Variants in CLUAP1 observed in about 807,000 individuals in gnomAD.
CLUAP1 encodes intraflagellar transport 38, also known as clusterin-associated protein 1.
A neutral mutation model predicts 55.0 loss-of-function variants in CLUAP1; 50 were observed. That is an observed-to-expected ratio of 0.91 (90% CI 0.72 to 1.15). The LOEUF is 1.15. Among genes scored for constraint, CLUAP1 ranks in the 50% most tolerant of loss-of-function variants. The pLI, the probability that CLUAP1 is intolerant of heterozygous loss-of-function variation, is 0.00. For missense variants in CLUAP1, 530 were observed against 507.6 expected, an observed-to-expected ratio of 1.04 and a Z score of -0.42; for synonymous variants, 195 against 175.4, an observed-to-expected ratio of 1.11 and a Z score of -0.88.
In CLUAP1 at chr16:3,537,360, T is replaced by TC. The variant is rs1286494991; in HGVS notation, c.*1090dup. The TC allele has an allele frequency of 1.3e-5, 2 of 152,176 alleles. No homozygotes were observed. The highest frequency in any genetic ancestry group is 4.8e-5 in the African/African-American group (2 of 41,422). The allele number at this position is 152,176 out of a possible 1,614,324, so 9.4% of individuals were successfully genotyped here. A position where few individuals can be genotyped will look rare whatever the true frequency, so the allele number is the denominator to read the frequency against. ...AGTTGGTTTTTTTCTTTTTTCTTCTTCTTTTTTTTTAATATGAAAAGTACT... is the reference window on the plus strand; with the variant it reads ...AGTTGGTTTTTTTCTTTTTTCTTCTTCCTTTTTTTTTAATATGAAAAGTACT... On this transcript the variant is annotated 3_prime_UTR_variant, in exon 12 of 12. Transcript: ENST00000576634.
intron 8 of CLUAP1, among the ~76,000 whole-genome samples, chr16:3,525,531 GTC>G (rs2037925106): frequency 1.3e-5 from 2 of 151,906 alleles, no homozygotes; most frequent in South Asian, 4.2e-4. Context: ...TCCTCCCTCT[GTC>G]TGTCCCTCCC....
intron 9 of CLUAP1, among the ~76,000 whole-genome samples, chr16:3,529,835 A>G (rs1008907294): frequency 2.3e-5 from 1 of 43,990 alleles, no homozygotes; most frequent in Non-Finnish European, 3.7e-5. Flanking sequence ...ATATTATATA[A>G]TATATTATAT....
intron 4 of CLUAP1, among the ~76,000 whole-genome samples, chr16:3,510,426 C>T (rs924165072): frequency 6.6e-5 from 10 of 152,260 alleles, no homozygotes; most frequent in African/African-American, 1.9e-4. Context: ...TGAGCCACCG[C>T]GCCTGTCCTC....
chr16:3,496,478 G>T (rs1207364656), upstream of CLUAP1: 4 of 749,050 alleles, frequency 5.3e-6, no homozygotes, highest in South Asian at 2.7e-5. Context: ...ATGACGCGAG[G>T]GTTCAGGAGG....
At chr16:3,532,906 G>A in intron 11 of CLUAP1, 65 bp downstream of exon 11, 1 of 1,563,996 alleles carries the variant, frequency 6.4e-7, no homozygotes. Context: ...ATAGATGGGA[G>A]TGGCTGAGTT....
At chr16:3,506,709 G>C (rs933731890) in intron 3 of CLUAP1, among the ~76,000 whole-genome samples, 2 of 151,798 alleles carry the variant, frequency 1.3e-5, no homozygotes, top group African/African-American at 4.8e-5. Context: ...CACCATGTTG[G>C]CTAGGCTGGT....
chr16:3,501,634 T>C (rs1319926966), intron 1 of CLUAP1, among the ~76,000 whole-genome samples: 1 of 151,978 alleles, frequency 6.6e-6, no homozygotes, highest in Non-Finnish European at 1.5e-5. Context: ...ATTACAAAAT[T>C]AGCCGGGGGT....
chr16:3,509,079 A>T (rs976892613), intron 4 of CLUAP1, among the ~76,000 whole-genome samples: 1 of 152,044 alleles, frequency 6.6e-6, no homozygotes, highest in African/African-American at 2.4e-5. Context: ...CAACATAGTG[A>T]GACGCCATTT....
At chr16:3,501,818 A>T (rs59253802) in intron 1 of CLUAP1, among the ~76,000 whole-genome samples, 2 of 151,810 alleles carry the variant, frequency 1.3e-5, no homozygotes, top group African/African-American at 4.8e-5. Context: ...AACGAAACCG[A>T]GGAGAGGAGG....
At chr16:3,515,674 A>C (rs922553586) in intron 6 of CLUAP1, 83 bp downstream of exon 6, 1 of 897,382 alleles carries the variant, frequency 1.1e-6, no homozygotes, top group Non-Finnish European at 1.6e-6. Flanking sequence ...AGACAGAACA[A>C]GCTAGGCTTA....
intron 5 of CLUAP1, among the ~76,000 whole-genome samples, chr16:3,514,928 C>G (rs560742724): frequency 6.6e-6 from 1 of 152,268 alleles, no homozygotes; most frequent in Admixed American, 6.5e-5. Flanking sequence ...AGATGTCTCC[C>G]TTGATAGGTT....
chr16:3,500,882 C>A, upstream of CLUAP1: 3 of 634,818 alleles, frequency 4.7e-6, no homozygotes, highest in Non-Finnish European at 8.1e-6. Context: ...CTCAGGAGCG[C>A]TCTCTGCCGG....
At chr16:3,532,744 T>C in intron 10 of CLUAP1, 42 bp from the exon 11 acceptor site, 1 of 1,607,028 alleles carries the variant, frequency 6.2e-7, no homozygotes. Context: ...TGCTTTATTT[T>C]CCAAGATTTT....
chr16:3,516,552 A>G lies in CLUAP1; in HGVS notation c.579+961A>G, dbSNP rs532772624. Reference sequence around the variant, plus strand: ...CTCACTGTTGGAGAAAAAAGTCACAAAAATGTCACAAAAATGGAAAGAGAG... The same window carrying G: ...CTCACTGTTGGAGAAAAAAGTCACAGAAATGTCACAAAAATGGAAAGAGAG... On this transcript the variant is annotated intron_variant, in intron 6 of 11. Coordinates refer to ENST00000576634, the MANE Select transcript of CLUAP1 (RefSeq NM_015041.3). 7.2e-5 allele frequency among the ~76,000 whole-genome samples: 11 copies of G among 152,278 alleles called. No homozygotes were observed. The South Asian group carries it at 2.3e-3, about 32-fold the overall frequency.
In CLUAP1 at chr16:3,538,390, C is replaced by T. The variant is rs917035801; in HGVS notation, c.*2119C>T. Reference sequence around the variant, plus strand: ...AATGCACCATATTGTAAATGATCCACTGACAGGGAAGCCAGCGTGTTGGAG... The same window carrying T: ...AATGCACCATATTGTAAATGATCCATTGACAGGGAAGCCAGCGTGTTGGAG... On this transcript the variant is annotated 3_prime_UTR_variant, in exon 12 of 12. Transcript: ENST00000576634. 2.0e-5 allele frequency: 3 copies of T among 151,936 alleles called. No homozygotes were observed. The highest frequency in any genetic ancestry group is 2.9e-5 in the Non-Finnish European group (2 of 68,014). 9.4% of individuals were successfully genotyped at this position (151,936 alleles called of 1,614,324 possible).
At chr16:3,510,816 A>G (rs560210470) in intron 4 of CLUAP1, among the ~76,000 whole-genome samples, 4 of 152,244 alleles carry the variant, frequency 2.6e-5, no homozygotes, top group Non-Finnish European at 5.9e-5. Context: ...CCATGTACTG[A>G]AGCAGAGAAG....
At chr16:3,522,233 G>A (rs1022416709) in intron 7 of CLUAP1, among the ~76,000 whole-genome samples, 7 of 151,720 alleles carry the variant, frequency 4.6e-5, no homozygotes, top group African/African-American at 1.5e-4. Flanking sequence ...GCGCAATCTC[G>A]GCTCACTGCA....
At chr16:3,502,482 C>T (rs960890711) in intron 1 of CLUAP1, among the ~76,000 whole-genome samples, 1 of 151,178 alleles carries the variant, frequency 6.6e-6, no homozygotes, top group African/African-American at 2.4e-5. Flanking sequence ...TGATGATTGC[C>T]AATTTGGTGT....
In CLUAP1 at chr16:3,532,854, C is replaced by T. The variant is rs2038154665; in HGVS notation, c.1092+13C>T. The T allele has an allele frequency of 6.2e-7, 1 of 1,613,908 alleles. No individual in the cohort carries two copies. Among genetic ancestry groups the T allele is most frequent in the Non-Finnish European group, 8.5e-7 (1 of 1,179,802 alleles). On this transcript the variant is annotated intron_variant, in intron 11 of 11. Transcript: ENST00000576634. ...CTCCGATGACAATGTAAGTCCCCCG[C>T]TCCCCTCAGTGGTTCTGTGCACTCT...
Sources: gnomAD v4.1 joint callset for allele counts (sites outside exome capture counted in the v4.1 genomes callset) on GRCh38, gnomAD v4.1.1 for gene constraint, MANE v1.5 for transcripts, NCBI Gene and HGNC (gene_info 2026-07-23, HGNC 2026-07-21) for gene names.